Variants in DIAPH2 observed in about 807,000 individuals in gnomAD.
The protein encoded by DIAPH2 is protein diaphanous homolog 2.
DIAPH2 carries 35 observed loss-of-function variants against 92.7 expected under a neutral mutation model. That is an observed-to-expected ratio of 0.38 (90% CI 0.29 to 0.50). The LOEUF is 0.50. Among genes scored for constraint, DIAPH2 ranks in the 20% least tolerant of loss-of-function variants. The pLI is 0.94. For synonymous variants in DIAPH2, 301 were observed against 280.4 expected, an observed-to-expected ratio of 1.07 and a Z score of -0.73; for missense variants, 701 against 819.5, an observed-to-expected ratio of 0.86 and a Z score of 1.77.
intron 23 of DIAPH2, among the ~76,000 whole-genome samples, chrX:97,260,731 CT>C (rs771088628): frequency 8.9e-6 from 1 of 111,758 alleles, no homozygotes; most frequent in East Asian, 2.8e-4. Context: ...TTTTGAAAAG[CT>C]ATGTCAGATT....
intron 3 of DIAPH2, among the ~76,000 whole-genome samples, chrX:96,746,691 CTG>C (rs1447965211): frequency 2.8e-5 from 3 of 108,477 alleles, no homozygotes; most frequent in Non-Finnish European, 5.7e-5. Flanking sequence ...GTAGCTGAGA[CTG>C]TATGCACGTG....
At chrX:97,019,213 A>G (rs1382492829) in intron 17 of DIAPH2, among the ~76,000 whole-genome samples, 1 of 111,913 alleles carries the variant, frequency 8.9e-6, no homozygotes, top group Non-Finnish European at 1.9e-5. Context: ...TATAAGTTTT[A>G]AACTCATTTG....
At chrX:97,592,758 T>C (rs1241964198) in intron 26 of DIAPH2, among the ~76,000 whole-genome samples, 1 of 112,194 alleles carries the variant, frequency 8.9e-6, no homozygotes, top group Non-Finnish European at 1.9e-5. Flanking sequence ...TTACATGTGC[T>C]TAACTCCAAT....
At chrX:96,740,674 G>A (rs377730001) in intron 3 of DIAPH2, among the ~76,000 whole-genome samples, 1 of 111,199 alleles carries the variant, frequency 9.0e-6, no homozygotes, top group African/African-American at 3.3e-5. Flanking sequence ...AGCTGTTCTT[G>A]CCCTACTTTA....
intron 23 of DIAPH2, among the ~76,000 whole-genome samples, chrX:97,293,472 C>T (rs1322479463): frequency 9.1e-6 from 1 of 110,137 alleles, no homozygotes; most frequent in East Asian, 2.9e-4. Context: ...AGGATGGTCT[C>T]TGTCTCCTGA....
intron 4 of DIAPH2, among the ~76,000 whole-genome samples, chrX:96,851,230 T>C (rs2065004454): frequency 9.0e-6 from 1 of 111,210 alleles, no homozygotes; most frequent in South Asian, 3.8e-4. Flanking sequence ...GCTTCTGGAG[T>C]AGCTGGGACT....
At chrX:97,494,804 C>T (rs975620162) in intron 26 of DIAPH2, among the ~76,000 whole-genome samples, 14 of 112,373 alleles carry the variant, frequency 1.2e-4, no homozygotes, top group African/African-American at 4.5e-4. Context: ...GAATCCAGCC[C>T]GACCCTGGTG....
At chrX:97,398,059 C>A (rs930794049) in intron 25 of DIAPH2, among the ~76,000 whole-genome samples, 2 of 112,215 alleles carry the variant, frequency 1.8e-5, no homozygotes, top group African/African-American at 6.5e-5. Context: ...TGTCTCAGGA[C>A]AGAGTGCTTA....
intron 23 of DIAPH2, among the ~76,000 whole-genome samples, chrX:97,279,192 C>T (rs780902517): frequency 4.5e-5 from 5 of 111,088 alleles, no homozygotes; most frequent in Non-Finnish European, 7.5e-5. Context: ...TCATTTCAAC[C>T]TTTATGTCCT....
At position 97,158,655 on chromosome X, in the gene DIAPH2, A is replaced by G. The variant is rs772830638; in HGVS notation, c.2719+16861A>G. Among the ~76,000 whole-genome samples, 22 of 112,463 alleles carry G rather than the reference A, an allele frequency of 2.0e-4. No individual in the cohort carries two copies. In the South Asian group the frequency reaches 8.0e-3, roughly 41 times the overall value. The stretch of plus-strand genomic sequence containing the variant: ...TCCTTTGACATTCGATGGAGGGAAA[A>G]GGAAGAGCTAATTAAACTGTTGTGG... On this transcript the variant is annotated intron_variant, in intron 22 of 26. Transcript: ENST00000324765.
chrX:97,572,299 A>T (rs2071375445), intron 26 of DIAPH2, among the ~76,000 whole-genome samples: 2 of 111,575 alleles, frequency 1.8e-5, no homozygotes, highest in African/African-American at 6.5e-5. Context: ...TTTACAGACA[A>T]GTAATATTTT....
chrX:97,088,228 C>T (rs1293036749), intron 19 of DIAPH2, among the ~76,000 whole-genome samples: 3 of 111,925 alleles, frequency 2.7e-5, no homozygotes, highest in Non-Finnish European at 5.6e-5. Context: ...CATGCCTTTG[C>T]ACCTGTCCTT....
chrX:96,837,018 C>T (rs2064899678), intron 4 of DIAPH2, among the ~76,000 whole-genome samples: 1 of 108,526 alleles, frequency 9.2e-6, no homozygotes, highest in Non-Finnish European at 1.9e-5. Flanking sequence ...TGAGCCACCG[C>T]GCCCGGCAGG....
At chrX:96,897,995 G>A (rs1191328453) in intron 5 of DIAPH2, among the ~76,000 whole-genome samples, 8 of 86,508 alleles carry the variant, frequency 9.2e-5, no homozygotes, top group Admixed American at 2.7e-4. Context: ...TTGTTCTTGC[G>A]ATAGTTTACT....
chrX:97,193,776 A>G (rs1020679080), intron 22 of DIAPH2, among the ~76,000 whole-genome samples: 11 of 112,329 alleles, frequency 9.8e-5, no homozygotes, highest in African/African-American at 3.5e-4. Flanking sequence ...ATATGACTCA[A>G]GGAACTACCT....
At chrX:97,040,094 CTTATTGTGTGAT>C (rs981167856) in intron 17 of DIAPH2, among the ~76,000 whole-genome samples, 2 of 109,293 alleles carry the variant, frequency 1.8e-5, no homozygotes, top group African/African-American at 6.7e-5. Flanking sequence ...GGCATGATTT[CTTATTGTGTGAT>C]TTATTGTGTG....
At chrX:97,584,821 C>T (rs1366280788) in intron 26 of DIAPH2, among the ~76,000 whole-genome samples, 2 of 112,594 alleles carry the variant, frequency 1.8e-5, no homozygotes, top group Non-Finnish European at 3.8e-5. Context: ...TACATATTTA[C>T]CACTCAATTT....
At chrX:97,331,926 A>G (rs2069005359) in intron 23 of DIAPH2, among the ~76,000 whole-genome samples, 1 of 111,543 alleles carries the variant, frequency 9.0e-6, no homozygotes. Context: ...TAGAAAATAT[A>G]TAGTATTTCA....
At chrX:96,945,700 A>G in intron 14 of DIAPH2, 109 bp downstream of exon 14, 1 of 505,791 alleles carries the variant, frequency 2.0e-6, no homozygotes, top group Non-Finnish European at 3.0e-6. Context: ...TTTATGTAGT[A>G]CTTTATACTT....
Sources: gnomAD v4.1 joint callset for allele counts (sites outside exome capture counted in the v4.1 genomes callset) on GRCh38, gnomAD v4.1.1 for gene constraint, MANE v1.5 for transcripts, NCBI Gene and HGNC (gene_info 2026-07-23, HGNC 2026-07-21) for gene names.